Variants in FKBP7 observed in about 807,000 individuals in gnomAD.
The protein encoded by FKBP7 is FKBP prolyl isomerase 7, also known as peptidyl-prolyl cis-trans isomerase FKBP7.
Under a neutral mutation model 24.3 loss-of-function variants are expected in FKBP7, and 24 were observed. The observed-to-expected ratio is 0.99, with a 90% CI of 0.72 to 1.39. The LOEUF (loss-of-function observed/expected upper bound fraction) is 1.39. Among genes scored for constraint, FKBP7 ranks in the 40% most tolerant of loss-of-function variants. FKBP7 has a pLI of 0.00. For synonymous variants in FKBP7, 98 were observed against 92.8 expected (o/e 1.06, Z -0.32); for missense variants, 257 against 269.5 (o/e 0.95, Z 0.33).
At chr2:178,465,997 G>A (rs1270535191) in intron 3 of FKBP7, 66 bp from the exon 4 acceptor site, 1 of 1,351,466 alleles carries the variant, frequency 7.4e-7, no homozygotes, top group East Asian at 2.4e-5. Context: ...TAACTTTAAG[G>A]AATAGTTATA....
chr2:178,466,636 CAT>C (rs1167257827), intron 3 of FKBP7, among the ~76,000 whole-genome samples: 2 of 151,994 alleles, frequency 1.3e-5, no homozygotes, highest in Admixed American at 6.6e-5. Context: ...AAAGTTATCT[CAT>C]TGATAATTTT....
chr2:178,478,187 C>CCCCA (rs1344671345), intron 1 of FKBP7, 92 bp downstream of exon 1: 4 of 1,450,142 alleles, frequency 2.8e-6, no homozygotes, highest in Admixed American at 2.1e-5. Flanking sequence ...AAAAATAAAA[C>CCCCA]CCCAACCAAC....
intron 1 of FKBP7, 141 bp downstream of exon 1, chr2:178,478,137 GA>G: frequency 1.3e-6 from 1 of 795,510 alleles, no homozygotes; most frequent in Admixed American, 2.9e-5. Flanking sequence ...CATATAATGT[GA>G]TTTTTTTTAA....
intron 2 of FKBP7, among the ~76,000 whole-genome samples, chr2:178,475,481 C>T (rs537846527): frequency 6.6e-6 from 1 of 152,198 alleles, no homozygotes; most frequent in African/African-American, 2.4e-5. Flanking sequence ...CTGCCCACTT[C>T]AGCCTCCCAA....
chr2:178,467,003 G>A (rs1684682043), intron 3 of FKBP7, among the ~76,000 whole-genome samples: 2 of 152,170 alleles, frequency 1.3e-5, no homozygotes, highest in African/African-American at 4.8e-5. Context: ...TACATCAACT[G>A]TTCTCAAATG....
intron 2 of FKBP7, 100 bp from the exon 3 acceptor site, chr2:178,469,885 A>G (rs1684800826): frequency 1.1e-6 from 1 of 929,296 alleles, no homozygotes; most frequent in Non-Finnish European, 1.5e-6. Flanking sequence ...CATGTTGATA[A>G]GAATTGCTAT....
rs772324502 is a variant in FKBP7 at position 178,478,353 on chromosome 2, T to G, written c.147A>C (p.Thr49=). Residue 49 remains threonine (T), a synonymous_variant, in exon 1 of 4, where the codon ACA becomes ACC. Coordinates refer to ENST00000424785, the MANE Select transcript of FKBP7 (RefSeq NM_181342.3). ...CATTTAGTAGGTCTCCCTTCTTGCT[T>G]GTCTTAGAGCAGTTTTCTGGACGAT... ...VLHRPENCSK[T]SKKGDLLNAH... 9 of 1,614,076 alleles carry G rather than the reference T, an allele frequency of 5.6e-6. No individual in the cohort carries two copies. Among genetic ancestry groups the G allele is most frequent in the Non-Finnish European group, 5.9e-6 (7 of 1,180,048 alleles).
chr2:178,475,945 G>T (rs906250666), intron 2 of FKBP7, among the ~76,000 whole-genome samples: 1 of 152,188 alleles, frequency 6.6e-6, no homozygotes, highest in African/African-American at 2.4e-5. Flanking sequence ...CTGTATTGGG[G>T]TAATAATGAC....
chr2:178,476,369 A>G (rs1685000695), intron 2 of FKBP7, among the ~76,000 whole-genome samples: 1 of 152,224 alleles, frequency 6.6e-6, no homozygotes, highest in Non-Finnish European at 1.5e-5. Flanking sequence ...AATACACATA[A>G]CATAAAATTT....
chr2:178,473,340 T>A (rs1392361735), intron 2 of FKBP7, among the ~76,000 whole-genome samples: 1 of 152,100 alleles, frequency 6.6e-6, no homozygotes, highest in Non-Finnish European at 1.5e-5. Context: ...AATTAACACT[T>A]TTTTTGGGCC....
chr2:178,469,857 A>G (rs1370279739), intron 2 of FKBP7, 72 bp from the exon 3 acceptor site: 2 of 1,243,468 alleles, frequency 1.6e-6, no homozygotes, highest in Non-Finnish European at 2.2e-6. Context: ...GAACTGCCAT[A>G]ACCATATTAT....
intron 2 of FKBP7, among the ~76,000 whole-genome samples, chr2:178,476,714 A>ATTTTTTT (rs35360731): frequency 4.1e-5 from 5 of 122,530 alleles, no homozygotes; most frequent in Admixed American, 8.7e-5. Flanking sequence ...ATTCCATTTC[A>ATTTTTTT]TTTTTTTTTT....
At chr2:178,472,645 TCG>T (rs1684879908) in intron 2 of FKBP7, among the ~76,000 whole-genome samples, 1 of 151,786 alleles carries the variant, frequency 6.6e-6, no homozygotes, top group Admixed American at 6.6e-5. Context: ...GGCCAGGAGT[TCG>T]AGACCAGCCT....
chr2:178,471,022 T>C (rs1446517014), intron 2 of FKBP7, among the ~76,000 whole-genome samples: 1 of 151,906 alleles, frequency 6.6e-6, no homozygotes. Context: ...GGATTACAGG[T>C]GCACACCAGG....
chr2:178,477,685 C>T (rs1237022078), intron 1 of FKBP7, among the ~76,000 whole-genome samples: 1 of 151,790 alleles, frequency 6.6e-6, no homozygotes, highest in Non-Finnish European at 1.5e-5. Context: ...TATTAAATTT[C>T]TCTATTTTAT....
rs1284323399 is a variant in FKBP7 at position 178,477,049 on chromosome 2, T to A, written c.373+13A>T. The A allele has an allele frequency of 1.3e-6, 2 of 1,559,122 alleles. No homozygotes were observed. The highest frequency in any genetic ancestry group is 1.7e-6 in the Non-Finnish European group (2 of 1,154,704). On this transcript the variant is annotated intron_variant, in intron 2 of 3. Transcript: ENST00000424785. The stretch of plus-strand genomic sequence containing the variant: ...ATATAACTAAAACAAGAAATTAAAA[T>A]TAAACATCTTACCATAGCCTTCCTT...
chr2:178,474,073 G>C (rs1253240608), intron 2 of FKBP7, among the ~76,000 whole-genome samples: 1 of 152,180 alleles, frequency 6.6e-6, no homozygotes, highest in Non-Finnish European at 1.5e-5. Context: ...GATTTTGCTG[G>C]AAAGAACTCT....
chr2:178,474,534 G>A (rs1272185246), intron 2 of FKBP7, among the ~76,000 whole-genome samples: 1 of 152,176 alleles, frequency 6.6e-6, no homozygotes, highest in Middle Eastern at 3.2e-3. Flanking sequence ...GATGTATTCT[G>A]TGTAGATACA....
rs58652562 is a variant in FKBP7, at chr2:178,472,870, AAG to A, written c.374-3087_374-3086del. Among the ~76,000 whole-genome samples, 226 of 148,008 alleles carry A rather than the reference AAG, an allele frequency of 1.5e-3. 1 individual carries two copies. The highest frequency in any genetic ancestry group is 3.5e-3 in the Middle Eastern group (1 of 284). On this transcript the variant is annotated intron_variant, in intron 2 of 3. Transcript: ENST00000424785. Reference sequence around the variant, plus strand: ...CCATCTCAAAAAAAAAAAAAAAAAAAAGGATATATTGCCAATTACCTCTTTTT... The same window carrying A: ...CCATCTCAAAAAAAAAAAAAAAAAAAGATATATTGCCAATTACCTCTTTTT...
Sources: allele counts gnomAD v4.1 joint callset (sites outside exome capture counted in the v4.1 genomes callset), GRCh38; gene constraint gnomAD v4.1.1; transcripts MANE v1.5; gene names NCBI Gene and HGNC (gene_info 2026-07-23, HGNC 2026-07-21).